PTPRO: variants seen among roughly 807,000 people sequenced by gnomAD.
The protein encoded by PTPRO is receptor-type tyrosine-protein phosphatase O.
In PTPRO, 62 loss-of-function variants were observed where a neutral mutation model predicts 145.2. The observed-to-expected ratio is 0.43, with a 90% CI of 0.35 to 0.53. PTPRO has a LOEUF of 0.53. Among genes scored for constraint, PTPRO ranks in the 20% least tolerant of loss-of-function variants. PTPRO has a pLI of 0.01. For missense variants in PTPRO, 1,345 were observed against 1,482.7 expected (o/e 0.91, Z 1.53); for synonymous variants, 565 against 514.7 (o/e 1.10, Z -1.32).
chr12:15,576,864 G>GA (rs1944196845), intron 19 of PTPRO, among the ~76,000 whole-genome samples: 1 of 151,924 alleles, frequency 6.6e-6, no homozygotes, highest in South Asian at 2.1e-4. Context: ...GAGATATTTT[G>GA]AAAAAATATC....
At chr12:15,545,573 A>G (rs1943267813) in intron 12 of PTPRO, among the ~76,000 whole-genome samples, 1 of 151,702 alleles carries the variant, frequency 6.6e-6, no homozygotes, top group Non-Finnish European at 1.5e-5. Flanking sequence ...GTCTCAAGAG[A>G]GCAATGCCAG....
At chr12:15,546,386 T>C in intron 12 of PTPRO, 183 bp from the exon 13 acceptor site, 1 of 1,431,466 alleles carries the variant, frequency 7.0e-7, no homozygotes, top group Non-Finnish European at 9.1e-7. Context: ...AGGCAAAGTA[T>C]TCTGCCTTCC....
intron 1 of PTPRO, among the ~76,000 whole-genome samples, chr12:15,425,613 A>G (rs1940263347): frequency 6.6e-6 from 1 of 152,162 alleles, no homozygotes; most frequent in South Asian, 2.1e-4. Flanking sequence ...ACTTTAATCA[A>G]TCTGCAATGT....
intron 1 of PTPRO, among the ~76,000 whole-genome samples, chr12:15,374,503 C>T (rs1187630003): frequency 1.3e-5 from 2 of 152,174 alleles, no homozygotes; most frequent in South Asian, 4.2e-4. Context: ...TTTTGAGTAG[C>T]CTTAAAAAAC....
chr12:15,464,166 G>T (rs950240129), intron 1 of PTPRO, among the ~76,000 whole-genome samples: 5 of 152,098 alleles, frequency 3.3e-5, no homozygotes, highest in Admixed American at 1.3e-4. Context: ...GAGAGAAGGG[G>T]AATCTTATGC....
At chr12:15,437,332 C>G (rs947225798) in intron 1 of PTPRO, among the ~76,000 whole-genome samples, 2 of 151,842 alleles carry the variant, frequency 1.3e-5, no homozygotes, top group African/African-American at 4.8e-5. Context: ...GTGCAGAGAT[C>G]TTTGTGCAGC....
At chr12:15,379,712 T>C (rs1483481312) in intron 1 of PTPRO, among the ~76,000 whole-genome samples, 2 of 152,134 alleles carry the variant, frequency 1.3e-5, no homozygotes, top group South Asian at 2.1e-4. Context: ...ATTCAATTTA[T>C]ATGAAATAGG....
intron 2 of PTPRO, among the ~76,000 whole-genome samples, chr12:15,487,910 C>T (rs1430947835): frequency 6.6e-6 from 1 of 152,202 alleles, no homozygotes; most frequent in Non-Finnish European, 1.5e-5. Context: ...AGACCATACT[C>T]AGCCTTTATG....
intron 5 of PTPRO, among the ~76,000 whole-genome samples, chr12:15,502,383 A>G (rs1449093425): frequency 6.6e-6 from 1 of 152,226 alleles, no homozygotes; most frequent in Non-Finnish European, 1.5e-5. Context: ...TTTGAATTAA[A>G]GATCTAACTA....
rs554559850 is a variant in PTPRO, at chr12:15,359,972, T to G, written c.75+37171T>G. ...CATTTTCCTCACCCAGAGCCTTTGC[T>G]TTTCCTATGTCTCAAGTGTTCTTCA... On this transcript the variant is annotated intron_variant, in intron 1 of 26. Coordinates refer to ENST00000281171, the MANE Select transcript of PTPRO (RefSeq NM_030667.3). Among the ~76,000 whole-genome samples the G allele has an allele frequency of 3.1e-4, 47 of 152,300 alleles. 1 individual carries two copies. The South Asian group carries it at 9.5e-3, about 31-fold the overall frequency.
intron 2 of PTPRO, among the ~76,000 whole-genome samples, chr12:15,484,975 C>T (rs1415867452): frequency 6.6e-6 from 1 of 152,084 alleles, no homozygotes; most frequent in Non-Finnish European, 1.5e-5. Context: ...ATCTGTAAGA[C>T]AGTAGAGTTT....
chr12:15,587,033 C>T lies in PTPRO; in HGVS notation c.3392C>T (p.Pro1131Leu), dbSNP rs762058086. 6.2e-7 allele frequency: 1 copy of T among 1,613,974 alleles called. No homozygotes were observed. Among genetic ancestry groups the T allele is most frequent in the Non-Finnish European group, 8.5e-7 (1 of 1,179,978 alleles). Residue 1131 changes from proline (P) to leucine (L), a missense_variant, in exon 24 of 27, where the codon CCC (proline) becomes CTC (leucine). Pro to Leu is a moderately conservative substitution (Grantham distance 98). Around this residue, in one of 3 missense-constraint regions of PTPRO, gnomAD observed 208 missense variants for 242.8 expected, o/e 0.86. Coordinates refer to ENST00000281171, the MANE Select transcript of PTPRO (RefSeq NM_030667.3). ...CAGCAAGCTACCAAGAGCAAAGGTC[C>T]CATGATCATTCACTGCAGGTAACCT... ...VRQQATKSKG[P>L]MIIHCSAGVG...
rs1207275113 is a variant in PTPRO at position 15,546,631 on chromosome 12, T to C, written c.2227T>C (p.Trp743Arg). The change falls in exon 13 of 27, where the codon TGG (tryptophan) becomes CGG (arginine). Residue 743 changes from tryptophan to arginine, a missense_variant. Transcript: ENST00000281171. ...AACCCAGACTTCAGTGACTTTGCTG[T>C]GGGTGGAAGAGGGAGTAGCTGATTT... is the stretch of plus-strand genomic sequence containing the variant. ...NKTQTSVTLL[W>R]VEEGVADFFE... The C allele has an allele frequency of 6.2e-7, 1 of 1,613,650 alleles. No individual in the cohort carries two copies. Among genetic ancestry groups the C allele is most frequent in the African/African-American group, 1.3e-5 (1 of 74,920 alleles).
In PTPRO at chr12:15,526,229, A is replaced by C; in HGVS notation, c.2131A>C (p.Ser711Arg). ...LSVTACTERG[S>R]NTSMLRLVKL... ...AGTAACTGCTTGTACTGAAAGAGGA[A>C]GTAATACCTCCATGCTCCGCCTTGT... The change falls in exon 12 of 27, where the codon AGT (serine) becomes CGT (arginine). Residue 711 changes from serine (S) to arginine (R), a missense_variant. Around this residue, in one of 3 missense-constraint regions of PTPRO, gnomAD observed 1,130 missense variants for 1,214.7 expected, o/e 0.93. Transcript: ENST00000281171. The C allele has an allele frequency of 6.2e-7, 1 of 1,614,032 alleles. No individual in the cohort carries two copies. Among genetic ancestry groups the C allele is most frequent in the South Asian group, 1.1e-5 (1 of 91,082 alleles).
At chr12:15,485,894 C>T (rs1359435396) in intron 2 of PTPRO, among the ~76,000 whole-genome samples, 1 of 152,112 alleles carries the variant, frequency 6.6e-6, no homozygotes, top group Admixed American at 6.5e-5. Context: ...TCTTTTTTCA[C>T]TGATTCCTTG....
At chr12:15,526,053 A>C in intron 11 of PTPRO, 89 bp from the exon 12 acceptor site, 1 of 1,455,612 alleles carries the variant, frequency 6.9e-7, no homozygotes, top group Non-Finnish European at 9.6e-7. Context: ...CAGAGAGGGA[A>C]TGTGTCTGCT....
At chr12:15,520,108 A>G (rs1942683339) in intron 9 of PTPRO, 93 bp from the exon 10 acceptor site, 2 of 794,488 alleles carry the variant, frequency 2.5e-6, no homozygotes, top group Admixed American at 1.8e-5. Context: ...GAAAATTAAA[A>G]TTACTTATTA....
intron 15 of PTPRO, among the ~76,000 whole-genome samples, chr12:15,555,975 T>G (rs1322901612): frequency 1.3e-5 from 2 of 152,244 alleles, no homozygotes; most frequent in East Asian, 3.8e-4. Context: ...GCAGCAAGTC[T>G]ATTATTAAAA....
At chr12:15,423,772 C>A (rs564292109) in intron 1 of PTPRO, among the ~76,000 whole-genome samples, 17 of 152,300 alleles carry the variant, frequency 1.1e-4, no homozygotes, top group African/African-American at 3.1e-4. Context: ...ATCACAGGTT[C>A]ATTCCTAGCC....
Sources: allele counts gnomAD v4.1 joint callset (sites outside exome capture counted in the v4.1 genomes callset), GRCh38; gene constraint gnomAD v4.1.1; regional missense constraint gnomAD v4.1.1; transcripts MANE v1.5; gene names NCBI Gene and HGNC (gene_info 2026-07-23, HGNC 2026-07-21).